ZDHHC11B: variants seen among roughly 807,000 people sequenced by gnomAD.
ZDHHC11B encodes zDHHC palmitoyltransferase 11B (putative), also known as probable palmitoyltransferase ZDHHC11B.
ZDHHC11B carries 17 observed loss-of-function variants against 42.3 expected under a neutral mutation model. The observed-to-expected ratio is 0.40, with a 90% CI of 0.27 to 0.60. The LOEUF (loss-of-function observed/expected upper bound fraction) is 0.60, where lower values mean the gene tolerates loss of function less well. Among genes scored for constraint, ZDHHC11B ranks in the 20% least tolerant of loss-of-function variants. The pLI, the probability that ZDHHC11B is intolerant of heterozygous loss-of-function variation, is 0.41. For synonymous variants in ZDHHC11B, 123 were observed against 193.5 expected (o/e 0.64, Z 3.02); for missense variants, 262 against 463.2 (o/e 0.57, Z 3.99).
Position 767,410 on chromosome 5 carries a change from C to G in ZDHHC11B, c.-19G>C. 1.3e-6 allele frequency: 2 copies of G among 1,571,886 alleles called. No homozygotes were observed. Among genetic ancestry groups the G allele is most frequent in the South Asian group, 2.3e-5 (2 of 88,524 alleles). On this transcript the variant is annotated 5_prime_UTR_variant, in exon 3 of 14. Transcript: ENST00000508859. ...CACCTGCCTCGGCGCACACTGCACGCCTGTCTCATCTCCGTAGGCTGAGTA... is the reference window on the plus strand; with the variant it reads ...CACCTGCCTCGGCGCACACTGCACGGCTGTCTCATCTCCGTAGGCTGAGTA...
intron 6 of ZDHHC11B, among the ~76,000 whole-genome samples, chr5:751,920 G>C (rs1383284318): frequency 1.7e-5 from 2 of 119,270 alleles, no homozygotes; most frequent in African/African-American, 5.3e-5. Flanking sequence ...AGTGGGGAAA[G>C]TGAGGTCAGA....
chr5:766,858 T>C lies in ZDHHC11B; in HGVS notation c.62A>G (p.Glu21Gly). Residue 21 changes from glutamate to glycine, a missense_variant, in exon 4 of 14, where the codon GAG becomes GGG. Physicochemically the swap from Glu to Gly is moderately conservative, Grantham distance 98. This residue lies in a region of ZDHHC11B where 97 missense variants were observed against 98.1 expected (regional missense o/e 0.99). Transcript: ENST00000508859. ...GGAGATGCGGGGCGGCAAGACCAGC[T>C]CTTCATTGTTGCGTATGGCTTCTGG... ...VTPEAIRNNE[E>G]LVLPPRISRV... 1 of 1,612,678 alleles carries C rather than the reference T, an allele frequency of 6.2e-7. No individual in the cohort carries two copies.
chr5:774,398 T>C (rs1389701627), intron 1 of ZDHHC11B, among the ~76,000 whole-genome samples: 3 of 152,192 alleles, frequency 2.0e-5, no homozygotes, highest in African/African-American at 7.2e-5. Flanking sequence ...CCGGGCTCTG[T>C]CACTAGGAAC....
intron 4 of ZDHHC11B, among the ~76,000 whole-genome samples, chr5:757,216 A>G (rs71593345): frequency 0.016 from 2,377 of 151,738 alleles, 64 homozygotes; most frequent in Non-Finnish European, 0.025. Flanking sequence ...CCATCTCCAC[A>G]GGGCAGCCCA....
intron 11 of ZDHHC11B, chr5:732,116 G>C (rs1334974402): frequency 3.9e-5 from 6 of 153,228 alleles, no homozygotes; most frequent in Non-Finnish European, 8.7e-5. Context: ...ATGGACTGTA[G>C]GTCTGTGGAG....
intron 13 of ZDHHC11B, among the ~76,000 whole-genome samples, chr5:713,944 C>T (rs1741554306): frequency 7.5e-6 from 1 of 132,576 alleles, no homozygotes; most frequent in African/African-American, 2.7e-5. Flanking sequence ...ATGAAGTTGA[C>T]CAGGTTTCAC....
At chr5:722,885 T>C (rs56141483) in intron 12 of ZDHHC11B, among the ~76,000 whole-genome samples, 19,298 of 150,220 alleles carry the variant, frequency 0.13, 1,615 homozygotes, top group Non-Finnish European at 0.19. Context: ...AGGTGATTCC[T>C]CAAAGATTCC....
intron 4 of ZDHHC11B, among the ~76,000 whole-genome samples, chr5:757,696 G>C (rs531584964): frequency 4.6e-5 from 7 of 151,962 alleles, no homozygotes; most frequent in African/African-American, 9.7e-5. Context: ...ACGTGGCCCC[G>C]GGCCCTGGGT....
chr5:720,302 T>C (rs1180717342), intron 12 of ZDHHC11B, among the ~76,000 whole-genome samples: 1 of 151,786 alleles, frequency 6.6e-6, no homozygotes, highest in Non-Finnish European at 1.5e-5. Flanking sequence ...AATCAAGAGA[T>C]CCTTAATAAA....
chr5:747,100 A>T (rs1181160173), intron 8 of ZDHHC11B, among the ~76,000 whole-genome samples: 1 of 90,468 alleles, frequency 1.1e-5, no homozygotes, highest in Non-Finnish European at 2.4e-5. Flanking sequence ...AATTCTAGAA[A>T]GTACTTTTAA....
At chr5:714,025 C>A (rs1247298723) in intron 13 of ZDHHC11B, among the ~76,000 whole-genome samples, 9 of 140,106 alleles carry the variant, frequency 6.4e-5, no homozygotes, top group Non-Finnish European at 3.2e-5. Flanking sequence ...GTGCCTTCAA[C>A]CCTGGCCTGA....
rs996696249 is a variant in ZDHHC11B, at chr5:784,000, G to A, written c.-230+668C>T. On this transcript the variant is annotated intron_variant, in intron 1 of 13. Coordinates refer to ENST00000508859, the MANE Select transcript of ZDHHC11B (RefSeq NM_001351303.2). Reference sequence around the variant, plus strand: ...AGAATAAAGGGCTCCTCAGATCCTCGGGCGCTGCTCCCAGGGGTGCGGGAA... The same window carrying A: ...AGAATAAAGGGCTCCTCAGATCCTCAGGCGCTGCTCCCAGGGGTGCGGGAA... 2.6e-5 allele frequency among the ~76,000 whole-genome samples: 4 copies of A among 151,176 alleles called. 2 individuals carry two copies. The highest frequency in any genetic ancestry group is 5.9e-5 in the Non-Finnish European group (4 of 67,688).
chr5:763,770 TA>T (rs1473516373), intron 4 of ZDHHC11B, among the ~76,000 whole-genome samples: 1 of 151,890 alleles, frequency 6.6e-6, no homozygotes, highest in Non-Finnish European at 1.5e-5. Context: ...TTAAGTGAGA[TA>T]TTTTTAAGTG....
intron 13 of ZDHHC11B, among the ~76,000 whole-genome samples, chr5:715,002 G>A (rs1411633881): frequency 6.6e-6 from 1 of 150,574 alleles, no homozygotes; most frequent in African/African-American, 2.5e-5. Context: ...CTCTGCACAT[G>A]TCAGCTCCCT....
chr5:777,993 G>A (rs1280793384), intron 1 of ZDHHC11B, among the ~76,000 whole-genome samples: 1 of 151,912 alleles, frequency 6.6e-6, no homozygotes, highest in Non-Finnish European at 1.5e-5. Context: ...GGCCCCGCGA[G>A]AATTTGAGCA....
chr5:714,754 G>T (rs59705581), intron 13 of ZDHHC11B, among the ~76,000 whole-genome samples: 2 of 127,410 alleles, frequency 1.6e-5, no homozygotes, highest in African/African-American at 5.7e-5. Flanking sequence ...GCTGTGGTTT[G>T]GACATCTGAC....
chr5:716,450 A>C (rs1160584069), intron 13 of ZDHHC11B, among the ~76,000 whole-genome samples: 3 of 151,886 alleles, frequency 2.0e-5, no homozygotes, highest in African/African-American at 7.3e-5. Context: ...AAACCATCTT[A>C]AAATGGCAGG....
chr5:757,414 C>A (rs1310252794), intron 4 of ZDHHC11B, among the ~76,000 whole-genome samples: 1 of 151,946 alleles, frequency 6.6e-6, no homozygotes, highest in African/African-American at 2.4e-5. Flanking sequence ...GGGCTGCTGT[C>A]CCTCCTGACA....
intron 4 of ZDHHC11B, among the ~76,000 whole-genome samples, chr5:766,169 G>A (rs775057857): frequency 5.9e-5 from 9 of 151,798 alleles, no homozygotes; most frequent in East Asian, 1.9e-4. Flanking sequence ...GCTCCCACCC[G>A]CTGGAAGATG....
Sources: gnomAD v4.1 joint callset for allele counts (sites outside exome capture counted in the v4.1 genomes callset) on GRCh38, gnomAD v4.1.1 for gene constraint, gnomAD v4.1.1 regional missense constraint, MANE v1.5 for transcripts, NCBI Gene and HGNC (gene_info 2026-07-23, HGNC 2026-07-21) for gene names.